Variants in PWWP2A observed in about 807,000 individuals in gnomAD.
PWWP2A encodes PWWP domain-containing protein 2A.
Under a neutral mutation model 48.5 loss-of-function variants are expected in PWWP2A, and 18 were observed. The ratio of observed to expected loss-of-function variants is 0.37; its 90% CI spans 0.26 to 0.55. The LOEUF is 0.55. PWWP2A is among the 20% of genes least tolerant of loss of function. The pLI is 0.81. For synonymous variants in PWWP2A, 396 were observed against 387.7 expected (o/e 1.02, Z -0.25); for missense variants, 867 against 976.4 (o/e 0.89, Z 1.49).
At chr5:160,097,600 A>C (rs1481836956) in intron 1 of PWWP2A, among the ~76,000 whole-genome samples, 1 of 150,114 alleles carries the variant, frequency 6.7e-6, no homozygotes, top group Non-Finnish European at 1.5e-5. Flanking sequence ...ACTGCACTCC[A>C]GCCTAGCAAC....
chr5:160,079,482 C>A (rs1754076567), intron 3 of PWWP2A, among the ~76,000 whole-genome samples: 1 of 151,964 alleles, frequency 6.6e-6, no homozygotes, highest in Admixed American at 6.6e-5. Flanking sequence ...TGACATTGAG[C>A]TCAGTTTTTA....
At chr5:160,061,795 A>G (rs1753420849), downstream of PWWP2A, 1 of 152,230 alleles carries the variant, frequency 6.6e-6, no homozygotes, top group Admixed American at 6.5e-5. Flanking sequence ...AGATGCCAAG[A>G]TAGGATTAAA....
chr5:160,090,272 T>C (rs892587868), downstream of PWWP2A: 6 of 985,274 alleles, frequency 6.1e-6, no homozygotes, highest in African/African-American at 1.0e-4. Flanking sequence ...CAGTAATGTC[T>C]ACTTCAAACT....
intron 2 of PWWP2A, among the ~76,000 whole-genome samples, chr5:160,084,308 G>A (rs1328025067): frequency 9.2e-5 from 14 of 152,192 alleles, no homozygotes; most frequent in African/African-American, 2.9e-4. Context: ...GCTGATCAAA[G>A]TCAGGCTTTG....
At chr5:160,110,430 G>T (rs1757438805) in intron 1 of PWWP2A, among the ~76,000 whole-genome samples, 1 of 152,140 alleles carries the variant, frequency 6.6e-6, no homozygotes, top group East Asian at 1.9e-4. Context: ...GCACTGGCCG[G>T]ACGTGGTGGC....
At chr5:160,082,799 A>G (rs1053350210) in intron 2 of PWWP2A, among the ~76,000 whole-genome samples, 1 of 152,194 alleles carries the variant, frequency 6.6e-6, no homozygotes, top group East Asian at 1.9e-4. Context: ...GTGATGCAGT[A>G]AGTGGAGGGA....
chr5:160,070,690 A>G (rs1402720694), intron 2 of PWWP2A, among the ~76,000 whole-genome samples: 6 of 152,180 alleles, frequency 3.9e-5, no homozygotes, highest in African/African-American at 1.4e-4. Flanking sequence ...CACTAAGCCT[A>G]CATGTTATAG....
At chr5:160,107,828 C>CT (rs773871296) in intron 1 of PWWP2A, among the ~76,000 whole-genome samples, 8 of 152,226 alleles carry the variant, frequency 5.3e-5, no homozygotes, top group South Asian at 2.1e-4. Flanking sequence ...TGGTGAAACT[C>CT]TGTCTCTACT....
chr5:160,062,414 T>C (rs1051777405), intron 5 of PWWP2A, among the ~76,000 whole-genome samples: 1 of 152,184 alleles, frequency 6.6e-6, no homozygotes, highest in African/African-American at 2.4e-5. Context: ...CACTGTGGCA[T>C]GTAGCCTCTT....
chr5:160,069,477 T>C (rs1204789553), intron 2 of PWWP2A, among the ~76,000 whole-genome samples: 1 of 152,166 alleles, frequency 6.6e-6, no homozygotes, highest in Non-Finnish European at 1.5e-5. Context: ...AGTAGTGTTA[T>C]TTCGTTAAGT....
intron 1 of PWWP2A, among the ~76,000 whole-genome samples, chr5:160,111,139 C>T (rs1416475927): frequency 6.6e-6 from 1 of 152,022 alleles, no homozygotes; most frequent in African/African-American, 2.4e-5. Context: ...CCAGCCTGGG[C>T]AACATAGCGA....
rs201400491 is a variant in PWWP2A, at chr5:160,109,822, AATAT to A, written c.584+8979_584+8982del. The stretch of plus-strand genomic sequence containing the variant: ...ATATATATATATAAAATAATATAAT[AATAT>A]ATATATATATATATATCCAGAATGT... On this transcript the variant is annotated intron_variant, in intron 1 of 1. Transcript: ENST00000307063. Among the ~76,000 whole-genome samples, 105 of 114,136 alleles carry A rather than the reference AATAT, an allele frequency of 9.2e-4. No individual in the cohort carries two copies. The Middle Eastern group carries it at 0.013, about 14-fold the overall frequency. 74.9% of individuals were successfully genotyped at this position (114,136 alleles called of 152,430 possible).
At chr5:160,074,884 AG>A (rs1325643803), downstream of PWWP2A, among the ~76,000 whole-genome samples, 1 of 152,120 alleles carries the variant, frequency 6.6e-6, no homozygotes, top group African/African-American at 2.4e-5. Flanking sequence ...GGATCACTTG[AG>A]CCCAGGAGTT....
At chr5:160,076,268 C>T (rs985796079) in exon 4 of PWWP2A, 2 of 152,168 alleles carry the variant, frequency 1.3e-5, no homozygotes, top group African/African-American at 4.8e-5. Context: ...ATTTCCATCA[C>T]TCTACACAAA....
the PWWP2A span, among the ~76,000 whole-genome samples, chr5:160,055,859 A>C: frequency 6.6e-6 from 1 of 152,266 alleles, no homozygotes; most frequent in African/African-American, 2.4e-5. Context: ...GCAGCAGAGA[A>C]AAACTAGAAA....
At chr5:160,087,834 C>T (rs551314114), downstream of PWWP2A, among the ~76,000 whole-genome samples, 86 of 152,246 alleles carry the variant, frequency 5.6e-4, no homozygotes, top group Non-Finnish European at 9.9e-4. Context: ...GATCTATAAA[C>T]GTTAGGTCTC....
downstream of PWWP2A, chr5:160,061,720 A>G (rs1423581406): frequency 6.6e-6 from 1 of 152,162 alleles, no homozygotes; most frequent in Non-Finnish European, 1.5e-5. Flanking sequence ...TTATAAAGGC[A>G]GAGATACTGG....
At chr5:160,104,293 T>C (rs927815977) in intron 1 of PWWP2A, among the ~76,000 whole-genome samples, 1 of 151,700 alleles carries the variant, frequency 6.6e-6, no homozygotes, top group Non-Finnish European at 1.5e-5. Flanking sequence ...TAGCTGAGTG[T>C]AGTGACACAC....
intron 1 of PWWP2A, among the ~76,000 whole-genome samples, chr5:160,114,337 G>A (rs771492934): frequency 6.6e-6 from 1 of 151,506 alleles, no homozygotes; most frequent in Non-Finnish European, 1.5e-5. Context: ...TTCAAGATGC[G>A]CCTGGCCAAC....
Sources: allele counts gnomAD v4.1 joint callset (sites outside exome capture counted in the v4.1 genomes callset), GRCh38; gene constraint gnomAD v4.1.1; transcripts MANE v1.5; gene names NCBI Gene and HGNC (gene_info 2026-07-23, HGNC 2026-07-21).